R3HDM2: variants seen among roughly 807,000 people sequenced by gnomAD.
R3HDM2 encodes the protein R3H domain containing 2, also known as R3H domain-containing protein 2.
In R3HDM2, 38 loss-of-function variants were observed where a neutral mutation model predicts 124.5. The ratio of observed to expected loss-of-function variants is 0.31; its 90% CI spans 0.24 to 0.40. The LOEUF is 0.40. R3HDM2 is among the 10% of genes least tolerant of loss of function. The pLI is 1.00. For missense variants in R3HDM2, 869 were observed against 1,236.9 expected, an observed-to-expected ratio of 0.70 and a Z score of 4.46; for synonymous variants, 391 against 448.0, an observed-to-expected ratio of 0.87 and a Z score of 1.61.
rs185606344 is a variant in R3HDM2, at chr12:57,300,619, G to A, written c.208-438C>T. 7.0e-4 allele frequency among the ~76,000 whole-genome samples: 106 copies of A among 152,228 alleles called. 1 individual carries two copies. The East Asian group carries it at 0.02, about 28-fold the overall frequency. On this transcript the variant is annotated intron_variant, in intron 4 of 23. Coordinates refer to ENST00000402412, the MANE Select transcript of R3HDM2 (RefSeq NM_001394031.1). Reference sequence around the variant, plus strand: ...CTGAGCAAATTACCTGACCTCTCCAGGTCTCTGTTTTTCCTCAGGAAAATG... The same window carrying A: ...CTGAGCAAATTACCTGACCTCTCCAAGTCTCTGTTTTTCCTCAGGAAAATG...
At chr12:57,292,873 G>A (rs1283730629) in intron 10 of R3HDM2, among the ~76,000 whole-genome samples, 2 of 151,988 alleles carry the variant, frequency 1.3e-5, no homozygotes, top group Non-Finnish European at 2.9e-5. Context: ...GGATGGCTGG[G>A]GACTCTCCAA....
chr12:57,292,750 G>T, intron 10 of R3HDM2, 83 bp from the exon 11 acceptor site: 2 of 893,334 alleles, frequency 2.2e-6, no homozygotes, highest in Non-Finnish European at 3.4e-6. Context: ...GAGAAACCGG[G>T]AAAGTTTATA....
At chr12:57,320,277 AAAAAAAAAAAAG>A (rs1487919184) in intron 2 of R3HDM2, among the ~76,000 whole-genome samples, 2 of 143,148 alleles carry the variant, frequency 1.4e-5, no homozygotes, top group Non-Finnish European at 3.1e-5. Context: ...AAAAAAAAAA[AAAAAAAAAAAAG>A]CCTTAAACAG....
intron 1 of R3HDM2, among the ~76,000 whole-genome samples, chr12:57,401,578 C>G (rs1037644320): frequency 1.3e-4 from 20 of 152,298 alleles, no homozygotes; most frequent in African/African-American, 4.8e-4. Flanking sequence ...ATGCAGCTGA[C>G]CATTGAACAA....
chr12:57,281,248 T>C (rs538036251), intron 13 of R3HDM2, among the ~76,000 whole-genome samples: 2 of 136,340 alleles, frequency 1.5e-5, no homozygotes, highest in Admixed American at 8.4e-5. Context: ...GATCGCGCCA[T>C]GACACTCCAG....
chr12:57,343,285 G>T (rs2059764959), intron 2 of R3HDM2, among the ~76,000 whole-genome samples: 1 of 151,036 alleles, frequency 6.6e-6, no homozygotes, highest in Admixed American at 6.6e-5. Flanking sequence ...CCGCCTCCCG[G>T]TTCAAGCGGT....
chr12:57,285,749 A>G (rs925945807), intron 12 of R3HDM2, among the ~76,000 whole-genome samples: 3 of 152,198 alleles, frequency 2.0e-5, no homozygotes, highest in African/African-American at 7.2e-5. Flanking sequence ...TGCTCATTAG[A>G]CATTAGAGCT....
At chr12:57,381,021 G>A (rs919958249) in intron 2 of R3HDM2, among the ~76,000 whole-genome samples, 1 of 151,492 alleles carries the variant, frequency 6.6e-6, no homozygotes. Flanking sequence ...CCTGAGGTCA[G>A]GCATTCGAGA....
chr12:57,427,373 A>ATTTTTT, intron 1 of R3HDM2, among the ~76,000 whole-genome samples: 1 of 149,474 alleles, frequency 6.7e-6, no homozygotes. Flanking sequence ...TTTTTGAGAC[A>ATTTTTT]AAGTCTCAGT....
At chr12:57,321,714 A>G (rs1227729563) in intron 2 of R3HDM2, among the ~76,000 whole-genome samples, 1 of 152,156 alleles carries the variant, frequency 6.6e-6, no homozygotes, top group Non-Finnish European at 1.5e-5. Context: ...GATAAATTAA[A>G]GAAAGTAGAC....
chr12:57,259,918 C>T (rs945724264), intron 19 of R3HDM2, among the ~76,000 whole-genome samples: 1 of 151,924 alleles, frequency 6.6e-6, no homozygotes, highest in Non-Finnish European at 1.5e-5. Flanking sequence ...ACTCAAACGG[C>T]CAAATGTAGG....
chr12:57,276,208 T>TAAA (rs1263227424), intron 14 of R3HDM2, among the ~76,000 whole-genome samples: 1,082 of 105,298 alleles, frequency 0.01, 12 homozygotes, highest in African/African-American at 0.038. Context: ...AGACTCCATC[T>TAAA]AAAAAAAAAA....
intron 3 of R3HDM2, among the ~76,000 whole-genome samples, chr12:57,304,260 G>C (rs543494224): frequency 6.6e-6 from 1 of 152,164 alleles, no homozygotes; most frequent in Non-Finnish European, 1.5e-5. Context: ...GAATGAAGGC[G>C]TAAGGTGGGA....
intron 2 of R3HDM2, among the ~76,000 whole-genome samples, chr12:57,346,773 G>A (rs1397039063): frequency 6.6e-6 from 1 of 152,170 alleles, no homozygotes; most frequent in East Asian, 1.9e-4. Flanking sequence ...TTCTCCTATT[G>A]AGTTCCTTAA....
At chr12:57,418,353 T>A in intron 1 of R3HDM2, 1 of 985,432 alleles carries the variant, frequency 1.0e-6, no homozygotes, top group Non-Finnish European at 1.2e-6. Context: ...TCCAGAGCTT[T>A]CTTTTGCCTT....
intron 2 of R3HDM2, among the ~76,000 whole-genome samples, chr12:57,378,560 G>A (rs889649593): frequency 6.6e-6 from 1 of 151,968 alleles, no homozygotes; most frequent in Non-Finnish European, 1.5e-5. Flanking sequence ...TGTGTATTTT[G>A]TAGAGACAGC....
chr12:57,387,165 C>G (rs528852130), intron 2 of R3HDM2, among the ~76,000 whole-genome samples: 1 of 152,122 alleles, frequency 6.6e-6, no homozygotes, highest in African/African-American at 2.4e-5. Context: ...GCAGGCTGCC[C>G]GAGCCACCAG....
At chr12:57,298,219 G>T in intron 6 of R3HDM2, 51 bp from the exon 7 acceptor site, 1 of 1,357,854 alleles carries the variant, frequency 7.4e-7, no homozygotes, top group Non-Finnish European at 1.0e-6. Flanking sequence ...TGCTTTGCAT[G>T]CTATCTAATC....
intron 14 of R3HDM2, among the ~76,000 whole-genome samples, chr12:57,270,396 T>C (rs2043321742): frequency 3.0e-5 from 1 of 32,904 alleles, no homozygotes; most frequent in South Asian, 1.1e-3. Flanking sequence ...CTAATTCTTA[T>C]TTTGTTTTGT....
Sources: allele counts gnomAD v4.1 joint callset (sites outside exome capture counted in the v4.1 genomes callset), GRCh38; gene constraint gnomAD v4.1.1; transcripts MANE v1.5; gene names NCBI Gene and HGNC (gene_info 2026-07-23, HGNC 2026-07-21).